Variants in TAP2 observed in about 807,000 individuals in gnomAD.
TAP2 encodes antigen peptide transporter 2.
In TAP2, 49 loss-of-function variants were observed where a neutral mutation model predicts 74.7. That is an observed-to-expected ratio of 0.66 (90% CI 0.52 to 0.83). The LOEUF (loss-of-function observed/expected upper bound fraction) is 0.83. Ranked by LOEUF, TAP2 falls within the 40% of genes least tolerant of loss-of-function variation. The pLI is 0.00. For missense variants in TAP2, 739 were observed against 859.0 expected (o/e 0.86, Z 1.75); for synonymous variants, 306 against 368.4 (o/e 0.83, Z 1.94).
intron 7 of TAP2, 52 bp from the exon 8 acceptor site, chr6:32,830,858 A>G: frequency 6.6e-7 from 1 of 1,513,730 alleles, no homozygotes; most frequent in African/African-American, 1.4e-5. Context: ...TCTACCAGAA[A>G]CCACCCTCCC....
chr6:32,826,529 C>A lies in TAP2; in HGVS notation c.*2377G>T. On this transcript the variant is annotated 3_prime_UTR_variant, in exon 12 of 12. Transcript: ENST00000374897. The stretch of plus-strand genomic sequence containing the variant: ...GTGGTTCCCAGACAAACCACACTTA[C>A]AGGAATTTGTCTGTCTAGCCCGAAT... 1 of 985,412 alleles carries A rather than the reference C, an allele frequency of 1.0e-6. No homozygotes were observed. The highest frequency in any genetic ancestry group is 1.2e-6 in the Non-Finnish European group (1 of 829,938). The allele number at this position is 985,412 out of a possible 1,614,324, so 61.0% of individuals were successfully genotyped here. A position where few individuals can be genotyped will look rare whatever the true frequency, so the allele number is the denominator to read the frequency against.
rs1769022803 is a variant in TAP2, at chr6:32,830,752, CCTT to C, written c.1324_1326del (p.Lys442del). On this transcript the variant is annotated inframe_deletion, in exon 8 of 12. Transcript: ENST00000374897. ...GGCTGTCGGTCCATGTAGGAGAAAA[CCTT>C]CTCTGCAGCTCCCACGTTGCTGAGC... 6.2e-7 allele frequency: 1 copy of C among 1,612,886 alleles called. No individual in the cohort carries two copies. Among genetic ancestry groups the C allele is most frequent in the Non-Finnish European group, 8.5e-7 (1 of 1,179,990 alleles).
chr6:32,828,698 C>T lies in TAP2; in HGVS notation c.*208G>A. On this transcript the variant is annotated 3_prime_UTR_variant, in exon 12 of 12. Coordinates refer to ENST00000374897, the MANE Select transcript of TAP2 (RefSeq NM_001290043.2). Reference sequence around the variant, plus strand: ...CAGCCCCCACCCCACCCCACCCCACCTCTCTACCCCACCAAAAGCACACAG... The same window carrying T: ...CAGCCCCCACCCCACCCCACCCCACTTCTCTACCCCACCAAAAGCACACAG... 1.0e-6 allele frequency: 1 copy of T among 977,276 alleles called. No individual in the cohort carries two copies. The highest frequency in any genetic ancestry group is 3.9e-5 in the South Asian group (1 of 25,814). 60.5% of individuals were successfully genotyped at this position (977,276 alleles called of 1,614,324 possible).
rs1305086164 is a variant in TAP2, at chr6:32,826,556, T to C, written c.*2350A>G. ...GGAATTTGTCTGTCTAGCCCGAATA[T>C]TTTGACTTTCAGGGAGCATTTTTCT... On this transcript the variant is annotated 3_prime_UTR_variant, in exon 12 of 12. Transcript: ENST00000374897. The C allele has an allele frequency of 3.0e-6, 3 of 985,282 alleles. No individual in the cohort carries two copies. The African/African-American group carries it at 5.2e-5, about 17-fold the overall frequency. 61.0% of individuals were successfully genotyped at this position (985,282 alleles called of 1,614,324 possible). A position where few individuals can be genotyped will look rare whatever the true frequency, so the allele number is the denominator to read the frequency against.
chr6:32,829,657 G>C (rs1174434603), intron 10 of TAP2, 121 bp from the exon 11 acceptor site: 27 of 1,486,034 alleles, frequency 1.8e-5, no homozygotes, highest in Non-Finnish European at 2.4e-5. Context: ...GCCCAGTGCG[G>C]GGAGGGCCCA....
At chr6:32,831,449 T>C (rs1267061983) in intron 7 of TAP2, among the ~76,000 whole-genome samples, 1 of 152,236 alleles carries the variant, frequency 6.6e-6, no homozygotes, top group Non-Finnish European at 1.5e-5. Context: ...TGCTCATCAG[T>C]GGCTGATGTT....
chr6:32,832,455 G>A lies in TAP2; in HGVS notation c.1150C>T (p.His384Tyr), dbSNP rs1413092570. The A allele has an allele frequency of 1.9e-6, 3 of 1,612,506 alleles. No homozygotes were observed. The highest frequency in any genetic ancestry group is 8.5e-7 in the Non-Finnish European group (1 of 1,179,826). The change falls in exon 7 of 12, where the codon CAC becomes TAC. Residue 384 changes from histidine (H) to tyrosine (Y), a missense_variant. His to Tyr is a moderately conservative substitution (Grantham distance 83, BLOSUM62 2). Coordinates refer to ENST00000374897, the MANE Select transcript of TAP2 (RefSeq NM_001290043.2). The surrounding 1 kb of genome is among the most constrained non-coding windows in gnomAD (Gnocchi z 5.9). ...ALYLLVRRVL[H>Y]LGVQMLMLSC... ...AGCATCAGCATCTGCACCCCCAAGT[G>A]CAGCACCTGGAAGAGGAGAAGAAAG...
rs1228867508 is a variant in TAP2, at chr6:32,828,551, A to G, written c.*355T>C. The G allele has an allele frequency of 1.3e-5, 13 of 985,310 alleles. No individual in the cohort carries two copies. Among genetic ancestry groups the G allele is most frequent in the African/African-American group, 1.7e-5 (1 of 57,542 alleles). The allele number at this position is 985,310 out of a possible 1,614,324, so 61.0% of individuals were successfully genotyped here. ...TTTTTATATTGTCTAAATTTTCTAT[A>G]TGAATGTATACAGTTCATGTAAGAA... On this transcript the variant is annotated 3_prime_UTR_variant, in exon 12 of 12. Coordinates refer to ENST00000374897, the MANE Select transcript of TAP2 (RefSeq NM_001290043.2).
Position 32,838,041 on chromosome 6 carries a change from G to A in TAP2, c.193C>T (p.Leu65=). ...GTGGCCAGACAGAGCGGGAGCAGCAGTGTCCCCACAAATCCCAGCAGCCCT... is the reference window on the plus strand; with the variant it reads ...GTGGCCAGACAGAGCGGGAGCAGCAATGTCCCCACAAATCCCAGCAGCCCT... ...LRGLLGFVGT[L]LLPLCLATPL... is the part of the protein sequence containing the mutation. The change falls in exon 2 of 12, where the codon CTG becomes TTG. Residue 65 remains leucine, a synonymous_variant. Transcript: ENST00000374897. 1 of 1,612,454 alleles carries A rather than the reference G, an allele frequency of 6.2e-7. No homozygotes were observed. Among genetic ancestry groups the A allele is most frequent in the Non-Finnish European group, 8.5e-7 (1 of 1,179,812 alleles).
Position 32,832,924 on chromosome 6 carries a change from A to T in TAP2, c.946-100T>A. ...GAGATGCTCCCTAGTCTACCTAAAA[A>T]TACCAAACTGTTTCTCTCCCTCTTC... On this transcript the variant is annotated intron_variant, in intron 5 of 11. Transcript: ENST00000374897. The surrounding 1 kb of genome is among the most constrained non-coding windows in gnomAD (Gnocchi z 5.9). 7.7e-7 allele frequency: 1 copy of T among 1,306,820 alleles called. No individual in the cohort carries two copies. Among genetic ancestry groups the T allele is most frequent in the African/African-American group, 1.4e-5 (1 of 68,998 alleles). The allele number at this position is 1,306,820 out of a possible 1,614,324, so 81.0% of individuals were successfully genotyped here.
In TAP2 at chr6:32,830,335, T is replaced by C; in HGVS notation, c.1567A>G (p.Thr523Ala). ...TCATCCAGCAGCACCTGTCCCCCTGTGGGCTGGTACAGATTCTGCAGCAGG... is the reference window on the plus strand; with the variant it reads ...TCATCCAGCAGCACCTGTCCCCCTGCGGGCTGGTACAGATTCTGCAGCAGG... ...AALLQNLYQP[T>A]GGQVLLDEKP... The change falls in exon 9 of 12, where the codon ACA (threonine) becomes GCA (alanine). Residue 523 changes from threonine to alanine, a missense_variant. Thr to Ala is a moderately conservative substitution (Grantham distance 58). Transcript: ENST00000374897. 1 of 1,613,118 alleles carries C rather than the reference T, an allele frequency of 6.2e-7. No individual in the cohort carries two copies.
rs367718365 is a variant in TAP2, at chr6:32,830,328, C to T, written c.1574G>A (p.Gly525Glu). The T allele has an allele frequency of 6.2e-6, 10 of 1,613,008 alleles. No individual in the cohort carries two copies. Among genetic ancestry groups the T allele is most frequent in the Non-Finnish European group, 8.5e-6 (10 of 1,180,040 alleles). Residue 525 changes from glycine to glutamate, a missense_variant, in exon 9 of 12, where the codon GGA becomes GAA. Physicochemically the swap from Gly to Glu is moderately conservative, Grantham distance 98. Coordinates refer to ENST00000374897, the MANE Select transcript of TAP2 (RefSeq NM_001290043.2). ...GGGCTTTTCATCCAGCAGCACCTGT[C>T]CCCCTGTGGGCTGGTACAGATTCTG... is the stretch of plus-strand genomic sequence containing the variant. ...LLQNLYQPTG[G>E]QVLLDEKPIS...
chr6:32,835,193 G>A lies in TAP2; in HGVS notation c.906C>T (p.Phe302=). ...TGTACACCTTCTCCGCTGCTATTGT[G>A]AAGGGCATGTGCAGCAGAGAAAGGA... ...LTLLSLLHMP[F]TIAAEKVYNT... is the part of the protein sequence containing the mutation. The change falls in exon 5 of 12, where the codon TTC becomes TTT. Residue 302 remains phenylalanine (F), a synonymous_variant. Transcript: ENST00000374897. The surrounding 1 kb of genome is among the most constrained non-coding windows in gnomAD (Gnocchi z 4.0). 1 of 1,613,020 alleles carries A rather than the reference G, an allele frequency of 6.2e-7. No individual in the cohort carries two copies. Among genetic ancestry groups the A allele is most frequent in the Non-Finnish European group, 8.5e-7 (1 of 1,180,016 alleles).
intron 10 of TAP2, 101 bp downstream of exon 10, chr6:32,829,829 C>T: frequency 1.3e-6 from 2 of 1,487,672 alleles, no homozygotes; most frequent in Admixed American, 1.7e-5. Context: ...GGCAGAGGAA[C>T]AGCAAACATC....
downstream of TAP2, among the ~76,000 whole-genome samples, chr6:32,824,506 T>C (rs16870919): frequency 0.067 from 10,198 of 152,188 alleles, 668 homozygotes; most frequent in African/African-American, 0.18. Context: ...CTCCCATATT[T>C]AAGCTATTTA....
At position 32,829,006 on chromosome 6, in the gene TAP2, C is replaced by T. The variant is rs753126540; in HGVS notation, c.1961G>A (p.Arg654His). The change falls in exon 12 of 12, where the codon CGC (arginine) becomes CAC (histidine). Residue 654 changes from arginine (R) to histidine (H), a missense_variant. By Grantham distance (29) the Arg-to-His change is conservative. Coordinates refer to ENST00000374897, the MANE Select transcript of TAP2 (RefSeq NM_001290043.2). ...CCTGTGAGCAATCACCAGCACTGTG[C>T]GATCCCCACGGGAATTCCAGTCCTG... The part of the protein sequence containing the change: ...ALQDWNSRGD[R>H]TVLVIAHRLQ... 35 of 1,550,926 alleles carry T rather than the reference C, an allele frequency of 2.3e-5. 1 individual carries two copies. The highest frequency in any genetic ancestry group is 9.7e-5 in the East Asian group (4 of 41,066).
intron 11 of TAP2, 60 bp downstream of exon 11, chr6:32,829,340 T>G: frequency 6.4e-7 from 1 of 1,556,342 alleles, no homozygotes; most frequent in South Asian, 1.2e-5. Context: ...CTGCACAGTC[T>G]GATCCTCCCA....
chr6:32,838,346 T>C lies in TAP2; in HGVS notation c.-4-109A>G. On this transcript the variant is annotated intron_variant, in intron 1 of 11. Transcript: ENST00000374897. ...ACCCGTCCATCGGCTTCTCATTTTA[T>C]CCTATTCAACCCTGAGAGCTCTCCT... 11 of 1,407,166 alleles carry C rather than the reference T, an allele frequency of 7.8e-6. No individual in the cohort carries two copies. The South Asian group carries it at 1.7e-4, about 22-fold the overall frequency. The allele number at this position is 1,407,166 out of a possible 1,614,324, so 87.2% of individuals were successfully genotyped here.
rs1769113599 is a variant in TAP2 at position 32,832,043 on chromosome 6, A to G, written c.1272+290T>C. ...ATATTTACAGATGAAAGTATACAAT[A>G]TCTTGGATTTGCTTCAGAATAATAT... is the stretch of plus-strand genomic sequence containing the variant. On this transcript the variant is annotated intron_variant, in intron 7 of 11. Transcript: ENST00000374897. This position sits in a 1 kb window ranked among gnomAD's most constrained non-coding sequence, Gnocchi z 5.9. Among the ~76,000 whole-genome samples the G allele has an allele frequency of 6.6e-6, 1 of 152,188 alleles. No individual in the cohort carries two copies. Among genetic ancestry groups the G allele is most frequent in the Non-Finnish European group, 1.5e-5 (1 of 68,038 alleles).
Sources: gnomAD v4.1 joint callset for allele counts (sites outside exome capture counted in the v4.1 genomes callset) on GRCh38, gnomAD v4.1.1 for gene constraint, Gnocchi (gnomAD v3.1) non-coding constraint, MANE v1.5 for transcripts, NCBI Gene and HGNC (gene_info 2026-07-23, HGNC 2026-07-21) for gene names.